LIMCH1: variants seen among roughly 807,000 people sequenced by gnomAD.
LIMCH1 encodes LIM and calponin homology domains 1, also known as LIM and calponin homology domains-containing protein 1.
Under a neutral mutation model 176.5 loss-of-function variants are expected in LIMCH1, and 113 were observed. The ratio of observed to expected loss-of-function variants is 0.64; its 90% CI spans 0.55 to 0.75. LIMCH1 has a LOEUF of 0.75. Among genes scored for constraint, LIMCH1 ranks in the 30% least tolerant of loss-of-function variants. LIMCH1 has a pLI of 0.00. For synonymous variants in LIMCH1, 619 were observed against 645.9 expected, an observed-to-expected ratio of 0.96 and a Z score of 0.63; for missense variants, 1,674 against 1,814.9, an observed-to-expected ratio of 0.92 and a Z score of 1.41.
At chr4:41,622,236 A>G (rs1298547720) in intron 7 of LIMCH1, among the ~76,000 whole-genome samples, 2 of 152,172 alleles carry the variant, frequency 1.3e-5, no homozygotes, top group South Asian at 2.1e-4. Flanking sequence ...CCCATACACC[A>G]TGTACCAGAG....
chr4:41,627,009 A>C lies in LIMCH1; in HGVS notation c.1027A>C (p.Arg343=), dbSNP rs1373018505. The change falls in exon 8 of 32, where the codon AGA becomes CGA. Residue 343 remains arginine, a splice_region_variant and synonymous_variant. Transcript: ENST00000503057. ...ISKKRSLEYK[R]NQGHTEEVKL... ...AAAAAAAAGAAGTCTAGAATATAAA[A>C]GGTGTGCATGGTGTGTGTGTGTGTG... 1 of 1,511,886 alleles carries C rather than the reference A, an allele frequency of 6.6e-7. No homozygotes were observed. Among genetic ancestry groups the C allele is most frequent in the Admixed American group, 2.1e-5 (1 of 48,294 alleles). 93.7% of individuals were successfully genotyped at this position (1,511,886 alleles called of 1,614,324 possible). A position where few individuals can be genotyped will look rare whatever the true frequency, so the allele number is the denominator to read the frequency against.
chr4:41,472,910 C>A, intron 1 of LIMCH1: 1 of 516,026 alleles, frequency 1.9e-6, no homozygotes, highest in Non-Finnish European at 2.5e-6. Flanking sequence ...CTTCTTTCCA[C>A]ATCACATCTC....
chr4:41,497,144 A>G (rs1240993239), intron 2 of LIMCH1, among the ~76,000 whole-genome samples: 3 of 152,236 alleles, frequency 2.0e-5, no homozygotes, highest in African/African-American at 7.2e-5. Context: ...ATCTTGGAAC[A>G]GTGTTATCCC....
At chr4:41,663,534 A>G (rs1272647590) in intron 20 of LIMCH1, among the ~76,000 whole-genome samples, 1 of 152,146 alleles carries the variant, frequency 6.6e-6, no homozygotes, top group African/African-American at 2.4e-5. Flanking sequence ...CTGGATTTGG[A>G]TAACAAGAAA....
chr4:41,576,423 C>T (rs551065545), intron 1 of LIMCH1, among the ~76,000 whole-genome samples: 12 of 152,124 alleles, frequency 7.9e-5, no homozygotes, highest in Non-Finnish European at 1.6e-4. Flanking sequence ...TACAGATATC[C>T]TTTGACTAAG....
intron 1 of LIMCH1, among the ~76,000 whole-genome samples, chr4:41,421,922 A>G (rs2060635840): frequency 1.3e-5 from 2 of 152,044 alleles, no homozygotes; most frequent in Admixed American, 6.6e-5. Flanking sequence ...GTCTCTACTA[A>G]AAATACAGAA....
intron 5 of LIMCH1, among the ~76,000 whole-genome samples, chr4:41,618,362 A>G (rs2092301787): frequency 2.0e-5 from 3 of 152,336 alleles, no homozygotes; most frequent in Admixed American, 2.0e-4. Flanking sequence ...TGATGTTGGG[A>G]ATGCTGAATT....
chr4:41,679,234 C>T (rs770922273), intron 23 of LIMCH1, among the ~76,000 whole-genome samples: 2 of 152,148 alleles, frequency 1.3e-5, no homozygotes, highest in Non-Finnish European at 2.9e-5. Context: ...GATGCCATTC[C>T]CAAGGCATCA....
intron 1 of LIMCH1, among the ~76,000 whole-genome samples, chr4:41,596,229 G>A (rs1414777438): frequency 7.4e-6 from 1 of 135,934 alleles, no homozygotes; most frequent in Non-Finnish European, 1.5e-5. Context: ...TTTTGTAACC[G>A]ATCATTTACA....
rs557389167 is a variant in LIMCH1 at position 41,689,830 on chromosome 4, GA to G, written c.4275+198del. ...CTGGGATGTCAGATTAGAAGAAGCA[GA>G]AAGGTTTGTGCAATTTGTCCTTACA... On this transcript the variant is annotated intron_variant, in intron 30 of 31. Coordinates refer to ENST00000503057, the MANE Select transcript of LIMCH1 (RefSeq NM_001330672.2). 2.6e-4 allele frequency: 118 copies of G among 457,652 alleles called. 1 individual carries two copies. The South Asian group carries it at 4.1e-3, about 16-fold the overall frequency. 28.3% of individuals were successfully genotyped at this position (457,652 alleles called of 1,614,324 possible).
intron 1 of LIMCH1, among the ~76,000 whole-genome samples, chr4:41,399,418 G>A (rs999621596): frequency 6.6e-6 from 1 of 152,048 alleles, no homozygotes; most frequent in African/African-American, 2.4e-5. Flanking sequence ...GAAGAAGTTG[G>A]GCGATCCTTT....
intron 3 of LIMCH1, chr4:41,604,146 C>T: frequency 1.1e-6 from 1 of 937,958 alleles, no homozygotes; most frequent in Non-Finnish European, 1.3e-6. Flanking sequence ...CAAGTGAAAG[C>T]TTGTACTCTG....
chr4:41,374,720 C>T (rs2054476626), intron 1 of LIMCH1, among the ~76,000 whole-genome samples: 1 of 152,140 alleles, frequency 6.6e-6, no homozygotes, highest in Admixed American at 6.5e-5. Flanking sequence ...TCAATGATAT[C>T]AGTAAGGATC....
Position 41,407,715 on chromosome 4 carries a change from A to T in LIMCH1, c.96+46779A>T, listed in dbSNP as rs186369655. 2.0e-5 allele frequency among the ~76,000 whole-genome samples: 3 copies of T among 152,276 alleles called. No homozygotes were observed. In the East Asian group the frequency reaches 5.8e-4, roughly 30 times the overall value. ...CACAAACTTCTCCTATCCCATAGCGACCACCTGCCCCTTCCTGCCTGCTTC... is the reference window on the plus strand; with the variant it reads ...CACAAACTTCTCCTATCCCATAGCGTCCACCTGCCCCTTCCTGCCTGCTTC... On this transcript the variant is annotated intron_variant, in intron 1 of 26. Transcript: ENST00000313860.
At chr4:41,560,299 T>TCAAGGTCC (rs2152550025) in intron 1 of LIMCH1, among the ~76,000 whole-genome samples, 1 of 152,156 alleles carries the variant, frequency 6.6e-6, no homozygotes, top group East Asian at 1.9e-4. Context: ...AGCTCATGTG[T>TCAAGGTCC]CAAAGCACAG....
chr4:41,525,384 C>A (rs938011824), intron 3 of LIMCH1, among the ~76,000 whole-genome samples: 3 of 152,172 alleles, frequency 2.0e-5, no homozygotes, highest in African/African-American at 4.8e-5. Flanking sequence ...CAGGATCCTA[C>A]GTAGACCTTA....
In LIMCH1 at chr4:41,632,622, C is replaced by T. The variant is rs2093383869; in HGVS notation, c.1602-127C>T. Reference sequence around the variant, plus strand: ...AATCTGATTATATCATCCTTACTAACCAGCCTTTGGAATGAGAGCAGCCAC... The same window carrying T: ...AATCTGATTATATCATCCTTACTAATCAGCCTTTGGAATGAGAGCAGCCAC... On this transcript the variant is annotated intron_variant, in intron 10 of 31. Coordinates refer to ENST00000503057, the MANE Select transcript of LIMCH1 (RefSeq NM_001330672.2). The T allele has an allele frequency of 4.1e-6, 3 of 739,434 alleles. No individual in the cohort carries two copies. The Admixed American group carries it at 6.4e-5, about 16-fold the overall frequency. The allele number at this position is 739,434 out of a possible 1,614,324, so 45.8% of individuals were successfully genotyped here. A position where few individuals can be genotyped will look rare whatever the true frequency, so the allele number is the denominator to read the frequency against.
At chr4:41,459,982 C>T (rs2065090281) in intron 1 of LIMCH1, among the ~76,000 whole-genome samples, 1 of 152,102 alleles carries the variant, frequency 6.6e-6, no homozygotes, top group Non-Finnish European at 1.5e-5. Flanking sequence ...GCCCAAGTCT[C>T]TCACTGATGG....
rs904276440 is a variant in LIMCH1, at chr4:41,543,789, G to A, written c.-241+5439G>A. On this transcript the variant is annotated intron_variant, in intron 1 of 31. Transcript: ENST00000503057. Reference sequence around the variant, plus strand: ...GTTATACTTTTATGGAGCACATGTGGTGTGTATTTATTTTGTGATAGGTTT... The same window carrying A: ...GTTATACTTTTATGGAGCACATGTGATGTGTATTTATTTTGTGATAGGTTT... 5.3e-5 allele frequency among the ~76,000 whole-genome samples: 8 copies of A among 152,268 alleles called. No individual in the cohort carries two copies. The East Asian group carries it at 1.4e-3, about 26-fold the overall frequency.
Sources: allele counts gnomAD v4.1 joint callset (sites outside exome capture counted in the v4.1 genomes callset), GRCh38; gene constraint gnomAD v4.1.1; transcripts MANE v1.5; gene names NCBI Gene and HGNC (gene_info 2026-07-23, HGNC 2026-07-21).